Variants in CFAP299 observed in about 807,000 individuals in gnomAD.
CFAP299 encodes cilia- and flagella-associated protein 299.
CFAP299 carries 21 observed loss-of-function variants against 27.0 expected under a neutral mutation model. The observed-to-expected ratio is 0.78, with a 90% CI of 0.55 to 1.12. The LOEUF (loss-of-function observed/expected upper bound fraction) is 1.12, where lower values mean the gene tolerates loss of function less well. CFAP299 is among the 50% of genes most tolerant of loss of function. The pLI is 0.00. For missense variants in CFAP299, 310 were observed against 276.6 expected (o/e 1.12, Z -0.86); for synonymous variants, 104 against 98.1 (o/e 1.06, Z -0.36).
chr4:80,739,246 A>C (rs138228392), intron 3 of CFAP299, among the ~76,000 whole-genome samples: 54 of 152,226 alleles, frequency 3.5e-4, no homozygotes, highest in Middle Eastern at 3.4e-3. Flanking sequence ...TGTGCTTACT[A>C]TTACCAGTGC....
At chr4:80,387,601 T>C in intron 2 of CFAP299, 1 of 1,232,318 alleles carries the variant, frequency 8.1e-7, no homozygotes, top group Admixed American at 1.7e-5. Flanking sequence ...AGTCACAGAG[T>C]TTCGAGACAC....
intron 2 of CFAP299, among the ~76,000 whole-genome samples, chr4:80,544,770 G>A (rs1734151552): frequency 6.6e-6 from 1 of 152,098 alleles, no homozygotes; most frequent in South Asian, 2.1e-4. Context: ...TAATGTTGGA[G>A]GACTTCAACA....
rs368655569 is a variant in CFAP299, at chr4:80,796,218, C to T, written c.334-73775C>T. 9.9e-5 allele frequency among the ~76,000 whole-genome samples: 15 copies of T among 152,248 alleles called. No individual in the cohort carries two copies. The South Asian group carries it at 1.5e-3, about 15-fold the overall frequency. On this transcript the variant is annotated intron_variant, in intron 3 of 5. Coordinates refer to ENST00000358105, the MANE Select transcript of CFAP299 (RefSeq NM_152770.3). ...GCCAAATGCAGCAATTTATTCTTCACCTTAGAAGGAATATCTCAACAGGCC... is the reference window on the plus strand; with the variant it reads ...GCCAAATGCAGCAATTTATTCTTCATCTTAGAAGGAATATCTCAACAGGCC...
At chr4:80,869,910 T>C in intron 3 of CFAP299, 83 bp from the exon 4 acceptor site, 1 of 1,324,962 alleles carries the variant, frequency 7.5e-7, no homozygotes, top group South Asian at 1.5e-5. Context: ...CATATTAGTG[T>C]TTTACATCAT....
At chr4:80,642,926 G>T (rs1434823261) in intron 3 of CFAP299, among the ~76,000 whole-genome samples, 4 of 152,080 alleles carry the variant, frequency 2.6e-5, no homozygotes, top group African/African-American at 9.7e-5. Context: ...TTTTAGTTGA[G>T]AGTGGGGTGG....
the CFAP299 span, among the ~76,000 whole-genome samples, chr4:80,321,504 C>T: frequency 6.6e-6 from 1 of 152,172 alleles, no homozygotes; most frequent in South Asian, 2.1e-4. Flanking sequence ...GGGCCTGTGG[C>T]CACATGTCCC....
intron 3 of CFAP299, among the ~76,000 whole-genome samples, chr4:80,851,132 G>A (rs1265962192): frequency 1.3e-5 from 2 of 152,060 alleles, no homozygotes; most frequent in Non-Finnish European, 2.9e-5. Flanking sequence ...CAAAACTGGA[G>A]ATAAACGATT....
chr4:80,672,206 A>G lies in CFAP299; in HGVS notation c.333+89023A>G, dbSNP rs1418926774. On this transcript the variant is annotated intron_variant, in intron 3 of 5. Coordinates refer to ENST00000358105, the MANE Select transcript of CFAP299 (RefSeq NM_152770.3). Reference sequence around the variant, plus strand: ...AATACCTAGTTTATTAAGAGTTTTTAGCATGAAGGGATGTTGAATTTTATC... The same window carrying G: ...AATACCTAGTTTATTAAGAGTTTTTGGCATGAAGGGATGTTGAATTTTATC... Among the ~76,000 whole-genome samples, 6 of 152,210 alleles carry G rather than the reference A, an allele frequency of 3.9e-5. No homozygotes were observed. The East Asian group carries it at 1.2e-3, about 29-fold the overall frequency.
At chr4:80,638,188 T>C (rs916430709) in intron 3 of CFAP299, among the ~76,000 whole-genome samples, 4 of 152,152 alleles carry the variant, frequency 2.6e-5, no homozygotes, top group Non-Finnish European at 5.9e-5. Flanking sequence ...ACAAGTAACT[T>C]CAACTTCCTG....
At chr4:80,424,017 A>G (rs772154343) in intron 2 of CFAP299, among the ~76,000 whole-genome samples, 5 of 152,166 alleles carry the variant, frequency 3.3e-5, no homozygotes, top group Non-Finnish European at 7.4e-5. Context: ...CAAGAACTTT[A>G]GAGATCATTG....
chr4:80,682,824 A>G (rs1719926751), intron 3 of CFAP299, among the ~76,000 whole-genome samples: 1 of 152,092 alleles, frequency 6.6e-6, no homozygotes, highest in African/African-American at 2.4e-5. Flanking sequence ...CATCCCACAT[A>G]TTAAAACTTC....
chr4:80,669,149 CT>C (rs869091451), intron 3 of CFAP299, among the ~76,000 whole-genome samples: 40 of 17,152 alleles, frequency 2.3e-3, no homozygotes, highest in African/African-American at 5.1e-3. Context: ...TTCTTTCTTT[CT>C]TTTTTTTTTT....
intron 3 of CFAP299, among the ~76,000 whole-genome samples, chr4:80,651,350 C>A (rs1189899750): frequency 6.9e-6 from 1 of 145,068 alleles, no homozygotes; most frequent in African/African-American, 2.7e-5. Context: ...CTTCCTTCTT[C>A]TTTCTTTCTT....
chr4:80,689,006 G>A (rs1181246426), intron 3 of CFAP299, among the ~76,000 whole-genome samples: 1 of 152,168 alleles, frequency 6.6e-6, no homozygotes, highest in African/African-American at 2.4e-5. Context: ...AAGATAAAAA[G>A]AAACGAGCAA....
chr4:80,672,882 ATTC>A, intron 3 of CFAP299, among the ~76,000 whole-genome samples: 1 of 143,414 alleles, frequency 7.0e-6, no homozygotes, highest in African/African-American at 2.5e-5. Flanking sequence ...CATGTATTTG[ATTC>A]TTCTCTCTTT....
At chr4:80,440,654 C>G (rs184428918) in intron 2 of CFAP299, among the ~76,000 whole-genome samples, 5 of 152,182 alleles carry the variant, frequency 3.3e-5, no homozygotes, top group Non-Finnish European at 5.9e-5. Context: ...CTCTTCTCCT[C>G]TAAAGAATCA....
At chr4:80,952,353 G>T (rs1350154350) in intron 5 of CFAP299, among the ~76,000 whole-genome samples, 1 of 152,150 alleles carries the variant, frequency 6.6e-6, no homozygotes, top group Non-Finnish European at 1.5e-5. Context: ...GAAAACATAT[G>T]TAGAGCTAAA....
chr4:80,820,649 C>G (rs1366944699), intron 3 of CFAP299, among the ~76,000 whole-genome samples: 1 of 152,018 alleles, frequency 6.6e-6, no homozygotes, highest in African/African-American at 2.4e-5. Flanking sequence ...TGGTCTGACT[C>G]GTGTTTTAAA....
chr4:80,444,664 C>A (rs1029407988), intron 2 of CFAP299, among the ~76,000 whole-genome samples: 3 of 152,026 alleles, frequency 2.0e-5, no homozygotes, highest in African/African-American at 4.8e-5. Flanking sequence ...GCAACAAAAG[C>A]CAAAATTGAC....
Sources: gnomAD v4.1 joint callset for allele counts (sites outside exome capture counted in the v4.1 genomes callset) on GRCh38, gnomAD v4.1.1 for gene constraint, MANE v1.5 for transcripts, NCBI Gene and HGNC (gene_info 2026-07-23, HGNC 2026-07-21) for gene names.